EVA1C: variants seen among roughly 807,000 people sequenced by gnomAD.
EVA1C encodes the protein protein eva-1 homolog C.
In EVA1C, 25 loss-of-function variants were observed where a neutral mutation model predicts 45.4. The ratio of observed to expected loss-of-function variants is 0.55; its 90% CI spans 0.40 to 0.77. The LOEUF (loss-of-function observed/expected upper bound fraction) is 0.77. Ranked by LOEUF, EVA1C falls within the 30% of genes least tolerant of loss-of-function variation. The pLI, the probability that EVA1C is intolerant of heterozygous loss-of-function variation, is 0.00. For synonymous variants in EVA1C, 190 were observed against 221.2 expected, an observed-to-expected ratio of 0.86 and a Z score of 1.25; for missense variants, 479 against 554.8, an observed-to-expected ratio of 0.86 and a Z score of 1.37.
chr21:32,447,364 G>A (rs927271572), intron 1 of EVA1C, among the ~76,000 whole-genome samples: 2 of 151,934 alleles, frequency 1.3e-5, no homozygotes, highest in South Asian at 2.1e-4. Context: ...GGGAGACTCC[G>A]TCTCGGTGGG....
At chr21:32,438,015 G>A (rs918278992) in intron 1 of EVA1C, among the ~76,000 whole-genome samples, 1 of 152,116 alleles carries the variant, frequency 6.6e-6, no homozygotes, top group African/African-American at 2.4e-5. Flanking sequence ...CTATCAAGGA[G>A]GAGCAGCTGT....
chr21:32,498,252 G>C (rs1047266276), intron 5 of EVA1C, among the ~76,000 whole-genome samples: 19 of 152,154 alleles, frequency 1.2e-4, no homozygotes, highest in African/African-American at 4.6e-4. Flanking sequence ...TTCGAGACCA[G>C]CCTGGAAAAC....
intron 1 of EVA1C, among the ~76,000 whole-genome samples, chr21:32,446,942 C>T (rs1156646527): frequency 1.3e-5 from 2 of 152,196 alleles, no homozygotes; most frequent in Non-Finnish European, 2.9e-5. Context: ...CTCACTCTGA[C>T]CTTGCTGGTC....
chr21:32,434,907 A>G (rs2034877891), intron 1 of EVA1C, among the ~76,000 whole-genome samples: 1 of 152,298 alleles, frequency 6.6e-6, no homozygotes, highest in African/African-American at 2.4e-5. Context: ...CGAGGCATTT[A>G]ATACAGCAGC....
chr21:32,495,008 G>C lies in EVA1C; in HGVS notation c.635-19G>C, dbSNP rs1173597251. The C allele has an allele frequency of 4.3e-6, 7 of 1,612,320 alleles. No individual in the cohort carries two copies. The highest frequency in any genetic ancestry group is 5.9e-6 in the Non-Finnish European group (7 of 1,179,000). ...GTGTGGGATGCAACCTGAAGTTCTG[G>C]GTGTTTCCTGCCTTTCAGATTGCTT... On this transcript the variant is annotated intron_variant, in intron 4 of 7. Transcript: ENST00000300255.
At chr21:32,461,603 A>G (rs1353698890) in intron 3 of EVA1C, among the ~76,000 whole-genome samples, 1 of 152,208 alleles carries the variant, frequency 6.6e-6, no homozygotes, top group Non-Finnish European at 1.5e-5. Flanking sequence ...TCTTATGATG[A>G]GAGCCAGTTA....
At chr21:32,449,682 C>A (rs1256430905) in intron 1 of EVA1C, among the ~76,000 whole-genome samples, 1 of 150,934 alleles carries the variant, frequency 6.6e-6, no homozygotes, top group African/African-American at 2.4e-5. Flanking sequence ...AGTGCAGTGG[C>A]ACGATCTCGG....
At chr21:32,507,858 C>T (rs561237369) in intron 7 of EVA1C, among the ~76,000 whole-genome samples, 45 of 144,282 alleles carry the variant, frequency 3.1e-4, no homozygotes, top group African/African-American at 6.5e-4. Context: ...TATGCTTGTG[C>T]GTGTGTGCCG....
intron 1 of EVA1C, among the ~76,000 whole-genome samples, chr21:32,444,112 A>G (rs1368340092): frequency 6.6e-6 from 1 of 151,316 alleles, no homozygotes; most frequent in Non-Finnish European, 1.5e-5. Context: ...TACTTTCTCT[A>G]TTCTTTCACT....
intron 7 of EVA1C, among the ~76,000 whole-genome samples, chr21:32,513,349 T>C (rs372577941): frequency 2.0e-5 from 3 of 148,698 alleles, no homozygotes; most frequent in Non-Finnish European, 4.5e-5. Context: ...GCTAGTTTTT[T>C]TTTTGTACTT....
In EVA1C at chr21:32,412,892, C is replaced by A. The variant is rs1323147196; in HGVS notation, c.39C>A (p.Pro13=). ...LPGRARQPPT[P]QPVQHPGLRR... Reference sequence around the variant, plus strand: ...GACGCGCACGCCAACCGCCGACGCCCCAGCCCGTGCAGCATCCCGGCCTCC... The same window carrying A: ...GACGCGCACGCCAACCGCCGACGCCACAGCCCGTGCAGCATCCCGGCCTCC... The change falls in exon 1 of 8, where the codon CCC becomes CCA. Residue 13 remains proline, a synonymous_variant. Coordinates refer to ENST00000300255, the MANE Select transcript of EVA1C (RefSeq NM_058187.5). The A allele has an allele frequency of 6.6e-7, 1 of 1,509,634 alleles. No individual in the cohort carries two copies. Among genetic ancestry groups the A allele is most frequent in the Admixed American group, 2.1e-5 (1 of 46,932 alleles). The allele number at this position is 1,509,634 out of a possible 1,614,324, so 93.5% of individuals were successfully genotyped here.
At chr21:32,512,553 G>C (rs1009031046) in intron 7 of EVA1C, among the ~76,000 whole-genome samples, 1 of 152,032 alleles carries the variant, frequency 6.6e-6, no homozygotes, top group Non-Finnish European at 1.5e-5. Flanking sequence ...CCCCTCCCAC[G>C]ACACCACCAC....
Position 32,423,006 on chromosome 21 carries a change from A to G in EVA1C, c.160+9993A>G, listed in dbSNP as rs1038109066. On this transcript the variant is annotated intron_variant, in intron 1 of 7. Coordinates refer to ENST00000300255, the MANE Select transcript of EVA1C (RefSeq NM_058187.5). ...GAATCGCTTGAACATGGGAGGTGGA[A>G]GTTGCAGTGAGCCAAGATCATGCCA... Among the ~76,000 whole-genome samples, 35 of 135,838 alleles carry G rather than the reference A, an allele frequency of 2.6e-4. 1 individual carries two copies. The highest frequency in any genetic ancestry group is 4.6e-5 in the Non-Finnish European group (3 of 64,598). 89.1% of individuals were successfully genotyped at this position (135,838 alleles called of 152,430 possible).
chr21:32,501,553 G>T (rs2037531269), intron 6 of EVA1C, 58 bp downstream of exon 6: 1 of 1,582,926 alleles, frequency 6.3e-7, no homozygotes, highest in Non-Finnish European at 8.5e-7. Flanking sequence ...ACAGCCCCTG[G>T]GTGACCACAG....
rs753612700 is a variant in EVA1C at position 32,452,237 on chromosome 21, T to G, written c.161-1075T>G. The G allele has an allele frequency of 6.6e-6, 1 of 152,290 alleles. No homozygotes were observed. The highest frequency in any genetic ancestry group is 2.4e-5 in the African/African-American group (1 of 41,472). The allele number at this position is 152,290 out of a possible 1,614,324, so 9.4% of individuals were successfully genotyped here. On this transcript the variant is annotated intron_variant, in intron 1 of 7. Transcript: ENST00000300255. The surrounding 1 kb of genome is among the most constrained non-coding windows in gnomAD (Gnocchi z 4.0). ...ACTCCTTGGCTCCTGGCCAATATCT[T>G]AGTGCTTCCTGAAGGGGAAAGAGCC...
At chr21:32,457,784 G>A in intron 3 of EVA1C, 64 bp downstream of exon 3, 9 of 1,591,952 alleles carry the variant, frequency 5.7e-6, no homozygotes, top group Non-Finnish European at 7.7e-6. Flanking sequence ...CACACTCCTG[G>A]TCAAAATTCT....
intron 4 of EVA1C, among the ~76,000 whole-genome samples, chr21:32,481,595 A>G (rs1000204863): frequency 5.9e-5 from 9 of 152,014 alleles, no homozygotes; most frequent in Non-Finnish European, 8.8e-5. Context: ...AAATTAAGTT[A>G]TATTAAAAAA....
At chr21:32,478,274 A>T (rs919495140) in intron 4 of EVA1C, among the ~76,000 whole-genome samples, 1 of 151,992 alleles carries the variant, frequency 6.6e-6, no homozygotes, top group Non-Finnish European at 1.5e-5. Context: ...GCTGGAGTGC[A>T]GTGGCTCGAT....
chr21:32,427,855 TAA>T (rs35551211), intron 1 of EVA1C, among the ~76,000 whole-genome samples: 20,606 of 122,488 alleles, frequency 0.17, 2,054 homozygotes, highest in African/African-American at 0.27. Context: ...CCATCTCTAT[TAA>T]AAAAAAAAAA....
Sources: allele counts gnomAD v4.1 joint callset (sites outside exome capture counted in the v4.1 genomes callset), GRCh38; gene constraint gnomAD v4.1.1; non-coding constraint Gnocchi (gnomAD v3.1); transcripts MANE v1.5; gene names NCBI Gene and HGNC (gene_info 2026-07-23, HGNC 2026-07-21).